Variants in SPATA6 observed in about 807,000 individuals in gnomAD.
SPATA6 encodes spermatogenesis-associated protein 6.
Under a neutral mutation model 65.3 loss-of-function variants are expected in SPATA6, and 56 were observed. The ratio of observed to expected loss-of-function variants is 0.86; its 90% CI spans 0.69 to 1.07. SPATA6 has a LOEUF of 1.07. Among genes scored for constraint, SPATA6 ranks in the 50% least tolerant of loss-of-function variants. The pLI is 0.00. For synonymous variants in SPATA6, 199 were observed against 213.2 expected (o/e 0.93, Z 0.58); for missense variants, 590 against 594.8 (o/e 0.99, Z 0.08).
chr1:48,420,987 A>G (rs956506619), intron 3 of SPATA6, among the ~76,000 whole-genome samples: 3 of 152,212 alleles, frequency 2.0e-5, no homozygotes, highest in Non-Finnish European at 4.4e-5. Flanking sequence ...TCTAAAAAAA[A>G]CTATGATATA....
chr1:48,470,738 C>G (rs1382725066), intron 1 of SPATA6, among the ~76,000 whole-genome samples: 2 of 152,034 alleles, frequency 1.3e-5, no homozygotes, highest in African/African-American at 4.8e-5. Context: ...GCTGCAAGCA[C>G]GGGTTAAGTG....
the SPATA6 span, among the ~76,000 whole-genome samples, chr1:48,286,529 G>A: frequency 1.3e-5 from 2 of 151,974 alleles, no homozygotes; most frequent in African/African-American, 2.4e-5. Context: ...CAACTTTATT[G>A]AATTTATTCT....
chr1:48,435,829 G>A (rs535754432), intron 3 of SPATA6: 50 of 963,174 alleles, frequency 5.2e-5, no homozygotes, highest in Admixed American at 3.9e-4. Flanking sequence ...TGTCCGCACC[G>A]CTGGCAGCCT....
At position 48,399,468 on chromosome 1, in the gene SPATA6, G is replaced by A; in HGVS notation, c.663C>T (p.Tyr221=). The A allele has an allele frequency of 6.2e-7, 1 of 1,613,364 alleles. No homozygotes were observed. Among genetic ancestry groups the A allele is most frequent in the Non-Finnish European group, 8.5e-7 (1 of 1,179,522 alleles). The stretch of plus-strand genomic sequence containing the variant: ...ATAGCTCACACATGCGTCTTTTTGT[G>A]TAGGGAGATGGAGAGTGTGATTTTG... ...ISSKSHSPSP[Y]TKRRMCELSE... is the part of the protein sequence containing the mutation. The change falls in exon 7 of 13, where the codon TAC becomes TAT. Residue 221 remains tyrosine, a synonymous_variant. Coordinates refer to ENST00000371847, the MANE Select transcript of SPATA6 (RefSeq NM_019073.4).
intron 1 of SPATA6, among the ~76,000 whole-genome samples, chr1:48,460,990 C>A (rs1557735578): frequency 1.3e-5 from 2 of 151,356 alleles, no homozygotes; most frequent in African/African-American, 2.4e-5. Context: ...ATAAATAAAG[C>A]TCTTAAGAAA....
chr1:48,283,682 A>AT, the SPATA6 span, among the ~76,000 whole-genome samples: 1 of 100,894 alleles, frequency 9.9e-6, no homozygotes, highest in Non-Finnish European at 2.0e-5. Flanking sequence ...CCGTCTCAAA[A>AT]AAAAAAAAAA....
chr1:48,435,432 G>A (rs528622521), intron 3 of SPATA6, among the ~76,000 whole-genome samples: 50 of 150,246 alleles, frequency 3.3e-4, no homozygotes, highest in Admixed American at 2.1e-3. Flanking sequence ...CTCTAAAATC[G>A]CACCAATCAG....
chr1:48,267,713 C>T, the SPATA6 span, among the ~76,000 whole-genome samples: 19 of 148,444 alleles, frequency 1.3e-4, no homozygotes, highest in East Asian at 3.0e-3. Context: ...GTGTTCCTCT[C>T]GACGTCCAGC....
At chr1:48,444,750 G>T (rs898196592) in intron 3 of SPATA6, among the ~76,000 whole-genome samples, 2 of 152,096 alleles carry the variant, frequency 1.3e-5, no homozygotes, top group Non-Finnish European at 2.9e-5. Context: ...CACTCTTTCG[G>T]TCCGTGCCAC....
chr1:48,398,034 T>C (rs1207891135), intron 7 of SPATA6, among the ~76,000 whole-genome samples: 1 of 151,696 alleles, frequency 6.6e-6, no homozygotes, highest in Non-Finnish European at 1.5e-5. Flanking sequence ...GAAAATATAG[T>C]ATATCCTTTC....
the SPATA6 span, among the ~76,000 whole-genome samples, chr1:48,285,138 G>A: frequency 6.6e-6 from 1 of 152,168 alleles, no homozygotes; most frequent in African/African-American, 2.4e-5. Flanking sequence ...AAGAGAGGAG[G>A]AATCTGGAGA....
At chr1:48,402,550 T>A (rs886297927) in intron 6 of SPATA6, 4 of 152,192 alleles carry the variant, frequency 2.6e-5, no homozygotes, top group Non-Finnish European at 5.9e-5. Context: ...AAAAGATAAA[T>A]AACTACAGCC....
At chr1:48,367,647 T>A (rs920643157) in intron 9 of SPATA6, among the ~76,000 whole-genome samples, 13 of 152,208 alleles carry the variant, frequency 8.5e-5, no homozygotes, top group Non-Finnish European at 1.8e-4. Context: ...TCCATTTGCT[T>A]GGTAGATCTT....
chr1:48,270,733 A>T, the SPATA6 span, among the ~76,000 whole-genome samples: 1 of 151,954 alleles, frequency 6.6e-6, no homozygotes, highest in South Asian at 2.1e-4. Flanking sequence ...AGGAAAAAAA[A>T]AAAACCATCT....
the SPATA6 span, among the ~76,000 whole-genome samples, chr1:48,263,445 C>T: frequency 6.6e-6 from 1 of 151,724 alleles, no homozygotes; most frequent in African/African-American, 2.4e-5. Context: ...TTGTCAATAC[C>T]CACCGATGTG....
chr1:48,282,662 G>A, the SPATA6 span, among the ~76,000 whole-genome samples: 5 of 152,098 alleles, frequency 3.3e-5, no homozygotes, highest in Non-Finnish European at 7.4e-5. Flanking sequence ...TCAGAATGGT[G>A]ATCATTAAAG....
At chr1:48,404,014 A>G in intron 5 of SPATA6, 132 bp from the exon 6 acceptor site, 1 of 606,576 alleles carries the variant, frequency 1.6e-6, no homozygotes, top group Non-Finnish European at 2.8e-6. Flanking sequence ...TGAACTTTTC[A>G]TTAAAGATAA....
chr1:48,403,145 G>C (rs1434263818), intron 6 of SPATA6, among the ~76,000 whole-genome samples: 1 of 152,112 alleles, frequency 6.6e-6, no homozygotes. Context: ...CTGGGCAACA[G>C]AGTGAGGCCC....
intron 11 of SPATA6, among the ~76,000 whole-genome samples, chr1:48,331,988 A>G (rs1645929316): frequency 6.6e-6 from 1 of 152,240 alleles, no homozygotes; most frequent in Non-Finnish European, 1.5e-5. Context: ...TCATAAATGA[A>G]GGAGAAATAT....
Sources: allele counts gnomAD v4.1 joint callset (sites outside exome capture counted in the v4.1 genomes callset), GRCh38; gene constraint gnomAD v4.1.1; transcripts MANE v1.5; gene names NCBI Gene and HGNC (gene_info 2026-07-23, HGNC 2026-07-21).